SAMD12: variants seen among roughly 807,000 people sequenced by gnomAD.
The protein encoded by SAMD12 is sterile alpha motif domain-containing protein 12.
SAMD12 carries 9 observed loss-of-function variants against 15.0 expected under a neutral mutation model. That is an observed-to-expected ratio of 0.60 (90% CI 0.36 to 1.05). SAMD12 has a LOEUF of 1.05. SAMD12 is among the 50% of genes least tolerant of loss of function. The pLI, the probability that SAMD12 is intolerant of heterozygous loss-of-function variation, is 0.01. For synonymous variants in SAMD12, 86 were observed against 90.1 expected (o/e 0.96, Z 0.25); for missense variants, 230 against 234.2 (o/e 0.98, Z 0.12).
At chr8:118,447,508 T>A (rs1822950143) in intron 2 of SAMD12, among the ~76,000 whole-genome samples, 1 of 151,884 alleles carries the variant, frequency 6.6e-6, no homozygotes, top group Non-Finnish European at 1.5e-5. Flanking sequence ...TTTCACCATG[T>A]TGGCCAGGTT....
At position 118,231,895 on chromosome 8, in the gene SAMD12, T is replaced by TA. The variant is rs112689134; in HGVS notation, c.434-34164dup. ...GATGTACACACTTCTAGTACTGGTC[T>TA]AAAAAAAAAAAAGCCTTCTGCAAGG... is the stretch of plus-strand genomic sequence containing the variant. On this transcript the variant is annotated intron_variant, in intron 4 of 4. Coordinates refer to the SAMD12 transcript ENST00000409003. 1.6e-3 allele frequency among the ~76,000 whole-genome samples: 226 copies of TA among 140,642 alleles called. 1 individual carries two copies. The highest frequency in any genetic ancestry group is 1.8e-3 in the African/African-American group (68 of 38,306). The allele number at this position is 140,642 out of a possible 152,430, so 92.3% of individuals were successfully genotyped here.
chr8:118,360,209 G>C (rs534970749), intron 4 of SAMD12, among the ~76,000 whole-genome samples: 7 of 152,166 alleles, frequency 4.6e-5, no homozygotes, highest in Non-Finnish European at 1.0e-4. Context: ...TGGAGTCTAA[G>C]TAATAAGTAT....
chr8:118,290,863 T>C (rs980141659), intron 4 of SAMD12, among the ~76,000 whole-genome samples: 1 of 152,230 alleles, frequency 6.6e-6, no homozygotes, highest in African/African-American at 2.4e-5. Context: ...TTAGTCTTTT[T>C]CCAGTGTCTT....
chr8:118,553,037 C>A (rs1484348970), intron 2 of SAMD12, among the ~76,000 whole-genome samples: 1 of 152,026 alleles, frequency 6.6e-6, no homozygotes, highest in Admixed American at 6.5e-5. Context: ...AAAGAGGATA[C>A]AAACAAATGG....
chr8:118,235,827 A>C (rs1563708899), intron 4 of SAMD12, among the ~76,000 whole-genome samples: 1 of 152,196 alleles, frequency 6.6e-6, no homozygotes, highest in Non-Finnish European at 1.5e-5. Context: ...TTTATTCTTC[A>C]TAAGAATGTG....
At chr8:118,423,108 C>T (rs1200516929) in intron 3 of SAMD12, among the ~76,000 whole-genome samples, 2 of 152,128 alleles carry the variant, frequency 1.3e-5, no homozygotes, top group East Asian at 3.9e-4. Context: ...GGCTTGTGCC[C>T]AGGGTATCGA....
chr8:118,484,028 C>T (rs1177303841), intron 2 of SAMD12, among the ~76,000 whole-genome samples: 4 of 152,066 alleles, frequency 2.6e-5, no homozygotes, highest in Admixed American at 6.6e-5. Flanking sequence ...TGGAGGTAGA[C>T]AATTAAAAAT....
chr8:118,401,189 T>C (rs955010796), intron 3 of SAMD12, among the ~76,000 whole-genome samples: 1 of 152,220 alleles, frequency 6.6e-6, no homozygotes, highest in African/African-American at 2.4e-5. Flanking sequence ...TTGCTTCTAA[T>C]GAAAAGAAAA....
chr8:118,303,029 G>A (rs1815130366), intron 4 of SAMD12, among the ~76,000 whole-genome samples: 1 of 152,160 alleles, frequency 6.6e-6, no homozygotes. Context: ...AATACATATG[G>A]CTTTAAATTT....
intron 3 of SAMD12, among the ~76,000 whole-genome samples, chr8:118,407,719 A>G (rs929486223): frequency 6.6e-6 from 1 of 152,090 alleles, no homozygotes; most frequent in African/African-American, 2.4e-5. Flanking sequence ...CTGCTTCCAG[A>G]TTATTATCAA....
exon 5 of SAMD12, chr8:118,194,634 AGTT>A (rs1466272006): frequency 6.6e-6 from 1 of 152,204 alleles, no homozygotes; most frequent in African/African-American, 2.4e-5. Context: ...AAGCATCAAC[AGTT>A]TACAGTCCTT....
chr8:118,201,603 TA>T (rs1399281635), intron 4 of SAMD12, among the ~76,000 whole-genome samples: 1 of 152,246 alleles, frequency 6.6e-6, no homozygotes, highest in Non-Finnish European at 1.5e-5. Context: ...TAAATAGTTG[TA>T]AAGTTAATAA....
intron 4 of SAMD12, among the ~76,000 whole-genome samples, chr8:118,246,537 C>T (rs1448845504): frequency 6.6e-6 from 1 of 152,114 alleles, no homozygotes; most frequent in Non-Finnish European, 1.5e-5. Flanking sequence ...TTAAATCAAA[C>T]TGTACTTTAA....
the SAMD12 span, among the ~76,000 whole-genome samples, chr8:118,157,801 A>T: frequency 6.6e-6 from 1 of 152,188 alleles, no homozygotes; most frequent in East Asian, 1.9e-4. Context: ...AATAACAGAG[A>T]CTGAGTTTGC....
At chr8:118,402,091 T>C (rs1419974066) in intron 3 of SAMD12, among the ~76,000 whole-genome samples, 1 of 152,158 alleles carries the variant, frequency 6.6e-6, no homozygotes, top group Non-Finnish European at 1.5e-5. Flanking sequence ...ATCCACTGCA[T>C]TTAATTATGA....
At chr8:118,196,897 G>A (rs1344801843) in exon 5 of SAMD12, 2 of 152,144 alleles carry the variant, frequency 1.3e-5, no homozygotes, top group Non-Finnish European at 2.9e-5. Flanking sequence ...GAACAAAGAA[G>A]CAAGCTAAGA....
intron 4 of SAMD12, among the ~76,000 whole-genome samples, chr8:118,348,977 G>C (rs905211620): frequency 7.2e-5 from 11 of 152,198 alleles, no homozygotes; most frequent in Non-Finnish European, 1.3e-4. Flanking sequence ...GTCTAGGACC[G>C]AGGCCAAGAA....
intron 2 of SAMD12, among the ~76,000 whole-genome samples, chr8:118,501,088 A>C (rs1470491862): frequency 6.6e-6 from 1 of 152,104 alleles, no homozygotes; most frequent in Non-Finnish European, 1.5e-5. Flanking sequence ...TCTTGTCTTC[A>C]TATGGCCCCT....
At chr8:118,474,015 G>A (rs4131683) in intron 2 of SAMD12, among the ~76,000 whole-genome samples, 3,369 of 152,294 alleles carry the variant, frequency 0.022, 117 homozygotes, top group African/African-American at 0.077. Context: ...CTGGAATTCA[G>A]TGGTGTGATC....
Sources: allele counts gnomAD v4.1 joint callset (sites outside exome capture counted in the v4.1 genomes callset), GRCh38; gene constraint gnomAD v4.1.1; transcripts MANE v1.5; gene names NCBI Gene and HGNC (gene_info 2026-07-23, HGNC 2026-07-21).